The following MDGA2 variants were observed in gnomAD, a reference collection of about 807,000 sequenced individuals.
The protein encoded by MDGA2 is MAM domain containing glycosylphosphatidylinositol anchor 2, also known as MAM domain-containing glycosylphosphatidylinositol anchor protein 2.
Under a neutral mutation model 117.8 loss-of-function variants are expected in MDGA2, and 40 were observed. The observed-to-expected ratio is 0.34, with a 90% CI of 0.26 to 0.44. The LOEUF (loss-of-function observed/expected upper bound fraction) is 0.44, where lower values mean the gene tolerates loss of function less well. Ranked by LOEUF, MDGA2 falls within the 20% of genes least tolerant of loss-of-function variation. The pLI is 1.00. For synonymous variants in MDGA2, 452 were observed against 439.0 expected (o/e 1.03, Z -0.37); for missense variants, 1,123 against 1,250.6 (o/e 0.90, Z 1.54).
intron 8 of MDGA2, chr14:46,996,868 G>A (rs558936227): frequency 7.2e-6 from 2 of 277,508 alleles, no homozygotes; most frequent in South Asian, 9.1e-5. Context: ...ACATATTCTG[G>A]AAGTAGCCAA....
At chr14:47,575,681 G>A (rs1165241559) in intron 1 of MDGA2, among the ~76,000 whole-genome samples, 2 of 152,148 alleles carry the variant, frequency 1.3e-5, no homozygotes, top group Non-Finnish European at 2.9e-5. Flanking sequence ...ATGTGTGTGA[G>A]CCACCCTTTC....
intron 3 of MDGA2, among the ~76,000 whole-genome samples, chr14:47,175,769 T>A (rs1884414508): frequency 6.8e-6 from 1 of 146,292 alleles, no homozygotes. Flanking sequence ...TCACCACTCC[T>A]ATTCAACATA....
rs74725288 is a variant in MDGA2, at chr14:46,972,250, T to C, written c.1820-14607A>G. 4.7e-3 allele frequency among the ~76,000 whole-genome samples: 716 copies of C among 152,198 alleles called. 7 individuals carry two copies. Among genetic ancestry groups the C allele is most frequent in the African/African-American group, 0.016 (645 of 41,534 alleles). On this transcript the variant is annotated intron_variant, in intron 8 of 16. Coordinates refer to ENST00000399232, the MANE Select transcript of MDGA2 (RefSeq NM_001113498.3). Reference sequence around the variant, plus strand: ...TGAATACCCAGTTAGTGCTGGAGAATTGGAGAATTGATGTGGAAAACACAC... The same window carrying C: ...TGAATACCCAGTTAGTGCTGGAGAACTGGAGAATTGATGTGGAAAACACAC...
At chr14:47,043,379 G>A (rs1330275283) in intron 7 of MDGA2, among the ~76,000 whole-genome samples, 1 of 152,046 alleles carries the variant, frequency 6.6e-6, no homozygotes, top group Non-Finnish European at 1.5e-5. Flanking sequence ...AACATGTTGA[G>A]TTATATAATA....
chr14:47,623,143 T>C (rs574188799), intron 1 of MDGA2, among the ~76,000 whole-genome samples: 1 of 152,278 alleles, frequency 6.6e-6, no homozygotes, highest in South Asian at 2.1e-4. Flanking sequence ...GGGTTCCTGA[T>C]AAAACGATGA....
intron 1 of MDGA2, among the ~76,000 whole-genome samples, chr14:47,569,842 T>G (rs1238645274): frequency 6.6e-6 from 1 of 152,208 alleles, no homozygotes; most frequent in Non-Finnish European, 1.5e-5. Context: ...ACTTCTAATG[T>G]TTTAATTTCA....
intron 1 of MDGA2, among the ~76,000 whole-genome samples, chr14:47,542,224 C>T (rs762789820): frequency 5.9e-5 from 9 of 152,198 alleles, no homozygotes; most frequent in Non-Finnish European, 1.2e-4. Flanking sequence ...TAAAGCACCA[C>T]TTGTGTTCCA....
chr14:47,139,583 A>T (rs1317142480), intron 4 of MDGA2, among the ~76,000 whole-genome samples: 1 of 151,836 alleles, frequency 6.6e-6, no homozygotes, highest in East Asian at 1.9e-4. Context: ...ACAAAGGTCA[A>T]TGACTATCAA....
intron 5 of MDGA2, among the ~76,000 whole-genome samples, chr14:47,104,984 G>A (rs1880565188): frequency 6.6e-6 from 1 of 152,056 alleles, no homozygotes; most frequent in African/African-American, 2.4e-5. Flanking sequence ...TGTTTTATCT[G>A]TGAACCCAAA....
chr14:47,032,327 C>T (rs1888691912), intron 8 of MDGA2, among the ~76,000 whole-genome samples: 2 of 151,926 alleles, frequency 1.3e-5, no homozygotes, highest in South Asian at 2.1e-4. Context: ...TGGCTCGTAC[C>T]TGTAGTCTCA....
intron 1 of MDGA2, among the ~76,000 whole-genome samples, chr14:47,482,764 T>C (rs191251322): frequency 1.6e-3 from 246 of 152,082 alleles, no homozygotes; most frequent in African/African-American, 5.5e-3. Context: ...CAGAGAGACT[T>C]ATTAGGAGAT....
At chr14:47,431,706 C>T (rs1468151793) in intron 1 of MDGA2, among the ~76,000 whole-genome samples, 1 of 151,950 alleles carries the variant, frequency 6.6e-6, no homozygotes, top group Non-Finnish European at 1.5e-5. Context: ...TTATACTTAA[C>T]GGCACACATT....
intron 11 of MDGA2, among the ~76,000 whole-genome samples, chr14:46,880,710 G>A (rs981123364): frequency 6.8e-6 from 1 of 147,972 alleles, no homozygotes; most frequent in Non-Finnish European, 1.5e-5. Context: ...GCTGAAGCAG[G>A]ATAATTGCTT....
At chr14:47,177,273 C>T (rs1170787837) in intron 3 of MDGA2, among the ~76,000 whole-genome samples, 30 of 152,080 alleles carry the variant, frequency 2.0e-4, no homozygotes, top group Admixed American at 1.8e-3. Flanking sequence ...ACTAGAAATA[C>T]CATTTGACCC....
intron 1 of MDGA2, among the ~76,000 whole-genome samples, chr14:47,620,592 C>T (rs1163206067): frequency 2.0e-5 from 3 of 152,136 alleles, no homozygotes; most frequent in Non-Finnish European, 4.4e-5. Flanking sequence ...AAACTTTGCC[C>T]CCAAATTTTG....
chr14:47,123,243 A>G (rs1881738736), intron 5 of MDGA2, among the ~76,000 whole-genome samples: 1 of 152,076 alleles, frequency 6.6e-6, no homozygotes, highest in Non-Finnish European at 1.5e-5. Context: ...AAGAAATACA[A>G]AAATTTCATT....
At chr14:47,286,141 GT>G (rs1398046603) in intron 2 of MDGA2, among the ~76,000 whole-genome samples, 1 of 151,990 alleles carries the variant, frequency 6.6e-6, no homozygotes, top group Non-Finnish European at 1.5e-5. Context: ...TACATGTGAT[GT>G]TTTGATACAA....
chr14:47,492,796 C>T (rs955925014), intron 1 of MDGA2, among the ~76,000 whole-genome samples: 1 of 151,990 alleles, frequency 6.6e-6, no homozygotes, highest in Admixed American at 6.6e-5. Flanking sequence ...CATGACCTTG[C>T]TAAATTATAT....
intron 1 of MDGA2, among the ~76,000 whole-genome samples, chr14:47,405,287 T>A (rs1892237959): frequency 6.6e-6 from 1 of 152,156 alleles, no homozygotes; most frequent in African/African-American, 2.4e-5. Context: ...ATACCCTCAT[T>A]TTATGTTTTT....
Sources: allele counts gnomAD v4.1 joint callset (sites outside exome capture counted in the v4.1 genomes callset), GRCh38; gene constraint gnomAD v4.1.1; transcripts MANE v1.5; gene names NCBI Gene and HGNC (gene_info 2026-07-23, HGNC 2026-07-21).